DACH1: variants seen among roughly 807,000 people sequenced by gnomAD.
DACH1 encodes the protein dachshund homolog 1.
In DACH1, 12 loss-of-function variants were observed where a neutral mutation model predicts 54.2. That is an observed-to-expected ratio of 0.22 (90% CI 0.14 to 0.36). DACH1 has a LOEUF of 0.36. Among genes scored for constraint, DACH1 ranks in the 10% least tolerant of loss-of-function variants. The probability of loss-of-function intolerance (pLI) is 1.00; values close to 1 mark genes in which losing one functional copy is unlikely to be tolerated. For missense variants in DACH1, 805 were observed against 929.8 expected, an observed-to-expected ratio of 0.87 and a Z score of 1.75; for synonymous variants, 386 against 366.2, an observed-to-expected ratio of 1.05 and a Z score of -0.62.
intron 3 of DACH1, among the ~76,000 whole-genome samples, chr13:71,576,822 A>T (rs970864606): frequency 6.6e-6 from 1 of 152,086 alleles, no homozygotes; most frequent in Non-Finnish European, 1.5e-5. Context: ...CTAGGTATCT[A>T]GAAGACAGAA....
At position 71,543,033 on chromosome 13, in the gene DACH1, G is replaced by C. The variant is rs146930149; in HGVS notation, c.1570+13991C>G. Among the ~76,000 whole-genome samples the C allele has an allele frequency of 6.0e-3, 907 of 152,162 alleles. 7 individuals are homozygous for C. The highest frequency in any genetic ancestry group is 0.021 in the African/African-American group (857 of 41,540). ...AGATCCTTGAGGAACTGAAATTAAT[G>C]GCATAAAAGAGATTTTCCAATATTA... On this transcript the variant is annotated intron_variant, in intron 6 of 10. Transcript: ENST00000613252.
chr13:71,518,537 TATAGCAATTCC>T (rs1881330674), intron 6 of DACH1, among the ~76,000 whole-genome samples: 1 of 151,920 alleles, frequency 6.6e-6, no homozygotes, highest in African/African-American at 2.4e-5. Flanking sequence ...ATGTGTCTTT[TATAGCAATTCC>T]ATTAGGTATG....
intron 1 of DACH1, among the ~76,000 whole-genome samples, chr13:71,835,571 T>A (rs1888751285): frequency 6.6e-6 from 1 of 152,090 alleles, no homozygotes; most frequent in African/African-American, 2.4e-5. Context: ...TGGTGATTGA[T>A]CCTTTATGTA....
At chr13:71,464,683 A>G in intron 10 of DACH1, 1 of 452,332 alleles carries the variant, frequency 2.2e-6, no homozygotes, top group Non-Finnish European at 4.4e-6. Flanking sequence ...AGTGAGATTC[A>G]TTCATTTAAT....
chr13:71,494,619 T>C (rs542784904), intron 6 of DACH1, among the ~76,000 whole-genome samples: 1 of 152,254 alleles, frequency 6.6e-6, no homozygotes, highest in Non-Finnish European at 1.5e-5. Flanking sequence ...TTAAGAATTA[T>C]TTGTTTTTTA....
chr13:71,672,619 T>A (rs1052985863), intron 2 of DACH1, among the ~76,000 whole-genome samples: 1 of 152,100 alleles, frequency 6.6e-6, no homozygotes, highest in Non-Finnish European at 1.5e-5. Context: ...AATAAATAAA[T>A]AAACGAAATA....
intron 1 of DACH1, among the ~76,000 whole-genome samples, chr13:71,738,496 C>T (rs1214451043): frequency 6.6e-6 from 1 of 151,860 alleles, no homozygotes; most frequent in East Asian, 1.9e-4. Context: ...CCTTGGGAGG[C>T]CGAGGTGGGA....
At chr13:71,843,974 T>A (rs1308236582) in intron 1 of DACH1, among the ~76,000 whole-genome samples, 1 of 152,122 alleles carries the variant, frequency 6.6e-6, no homozygotes, top group Non-Finnish European at 1.5e-5. Context: ...ATGCGAAGAA[T>A]CAAACTGCAT....
chr13:71,702,629 T>C (rs1882201292), intron 1 of DACH1, among the ~76,000 whole-genome samples: 1 of 152,122 alleles, frequency 6.6e-6, no homozygotes, highest in Non-Finnish European at 1.5e-5. Flanking sequence ...AAGAAAAGCA[T>C]TGAAATATAC....
intron 6 of DACH1, among the ~76,000 whole-genome samples, chr13:71,494,190 A>G (rs1357971225): frequency 6.6e-6 from 1 of 152,172 alleles, no homozygotes; most frequent in East Asian, 1.9e-4. Context: ...TTAAGTTGTT[A>G]GTGGAATGAA....
At chr13:71,627,235 C>G (rs140169876) in intron 3 of DACH1, among the ~76,000 whole-genome samples, 4 of 151,080 alleles carry the variant, frequency 2.6e-5, no homozygotes. Flanking sequence ...TTTTTCCTGT[C>G]GTCTTACCCA....
intron 2 of DACH1, among the ~76,000 whole-genome samples, chr13:71,658,924 T>G (rs1374284098): frequency 6.6e-6 from 1 of 152,158 alleles, no homozygotes; most frequent in Non-Finnish European, 1.5e-5. Context: ...ACATATTTCT[T>G]CACTCTGTTT....
At chr13:71,481,652 T>C (rs1878038549) in intron 7 of DACH1, among the ~76,000 whole-genome samples, 1 of 151,994 alleles carries the variant, frequency 6.6e-6, no homozygotes, top group African/African-American at 2.4e-5. Flanking sequence ...TCAGTAGGAG[T>C]CCAGTGTGAA....
At chr13:71,604,535 C>T (rs1056775346) in intron 3 of DACH1, among the ~76,000 whole-genome samples, 7 of 151,864 alleles carry the variant, frequency 4.6e-5, no homozygotes, top group Non-Finnish European at 1.0e-4. Flanking sequence ...GTTACTTTTC[C>T]AAGGTAGAAA....
intron 3 of DACH1, among the ~76,000 whole-genome samples, chr13:71,588,041 T>C (rs1052953789): frequency 6.6e-6 from 1 of 152,140 alleles, no homozygotes; most frequent in East Asian, 1.9e-4. Flanking sequence ...GTAATAACTT[T>C]AGCGATTAAT....
intron 1 of DACH1, among the ~76,000 whole-genome samples, chr13:71,779,549 T>G (rs1247101287): frequency 6.6e-6 from 1 of 152,036 alleles, no homozygotes; most frequent in Admixed American, 6.6e-5. Context: ...CTTACTTTAC[T>G]GAGTCATTTA....
chr13:71,797,388 T>C (rs945876215), intron 1 of DACH1, among the ~76,000 whole-genome samples: 1 of 152,122 alleles, frequency 6.6e-6, no homozygotes, highest in Non-Finnish European at 1.5e-5. Context: ...AAACAGCTCA[T>C]GGTAAGATGA....
chr13:71,477,243 C>A (rs1179844548), intron 8 of DACH1, among the ~76,000 whole-genome samples: 1 of 149,900 alleles, frequency 6.7e-6, no homozygotes, highest in Non-Finnish European at 1.5e-5. Context: ...GCCTCAGCCT[C>A]CCAAGTAGCT....
intron 1 of DACH1, among the ~76,000 whole-genome samples, chr13:71,809,514 A>G (rs1403991567): frequency 6.6e-6 from 1 of 152,206 alleles, no homozygotes; most frequent in East Asian, 1.9e-4. Context: ...TTTGAAATTA[A>G]GTTGAAAATG....
Sources: allele counts gnomAD v4.1 joint callset (sites outside exome capture counted in the v4.1 genomes callset), GRCh38; gene constraint gnomAD v4.1.1; transcripts MANE v1.5; gene names NCBI Gene and HGNC (gene_info 2026-07-23, HGNC 2026-07-21).